Variants in RSPH4A observed in about 807,000 individuals in gnomAD.
RSPH4A encodes radial spoke head component 4A, also known as radial spoke head protein 4 homolog A.
Under a neutral mutation model 71.0 loss-of-function variants are expected in RSPH4A, and 47 were observed. The observed-to-expected ratio is 0.66, with a 90% CI of 0.52 to 0.84. The LOEUF (loss-of-function observed/expected upper bound fraction) is 0.84, where lower values mean the gene tolerates loss of function less well. Among genes scored for constraint, RSPH4A ranks in the 40% least tolerant of loss-of-function variants. The probability of loss-of-function intolerance (pLI) is 0.00; values close to 1 mark genes in which losing one functional copy is unlikely to be tolerated. For missense variants in RSPH4A, 793 were observed against 855.2 expected, an observed-to-expected ratio of 0.93 and a Z score of 0.91; for synonymous variants, 282 against 302.3, an observed-to-expected ratio of 0.93 and a Z score of 0.70.
At chr6:116,624,053 T>C (rs1041046044) in intron 2 of RSPH4A, among the ~76,000 whole-genome samples, 1 of 152,228 alleles carries the variant, frequency 6.6e-6, no homozygotes, top group Non-Finnish European at 1.5e-5. Context: ...TCAGTACCAC[T>C]AGATTATTTA....
At chr6:116,621,046 A>G (rs1399789977) in intron 1 of RSPH4A, among the ~76,000 whole-genome samples, 1 of 151,764 alleles carries the variant, frequency 6.6e-6, no homozygotes, top group African/African-American at 2.4e-5. Context: ...TTTAATAGAG[A>G]CGGGGTTTCA....
intron 2 of RSPH4A, among the ~76,000 whole-genome samples, chr6:116,623,347 GA>G (rs1240649875): frequency 1.3e-5 from 2 of 152,076 alleles, no homozygotes; most frequent in Admixed American, 1.3e-4. Context: ...TGGCCTCCCA[GA>G]ATGTTGGGAT....
intron 5 of RSPH4A, 55 bp downstream of exon 5, chr6:116,630,607 T>C (rs1452970720): frequency 1.2e-6 from 1 of 845,428 alleles, no homozygotes; most frequent in African/African-American, 1.7e-5. Context: ...GCTCTGGAAA[T>C]TATAAATAAC....
In RSPH4A at chr6:116,617,053, C is replaced by T. The variant is rs756868889; in HGVS notation, c.430C>T (p.Gln144Ter). Reference protein sequence around the residue: ...KRESTPHHTSQSEGNTFQQSQ... With the variant: ...KRESTPHHTS ...AGAATCAACTCCTCATCACACAAGC[C>T]AGTCAGAAGGAAACACCTTTCAACA... Residue 144 changes from glutamine to a stop codon, truncating the protein, a stop_gained, in exon 1 of 6, where the codon CAG becomes TAG. Transcript: ENST00000229554. LOFTEE classifies it high-confidence loss of function. 1.1e-5 allele frequency: 18 copies of T among 1,614,082 alleles called. No individual in the cohort carries two copies. The highest frequency in any genetic ancestry group is 3.3e-4 in the Middle Eastern group (2 of 6,084).
chr6:116,621,178 C>T (rs1374416391), intron 1 of RSPH4A, among the ~76,000 whole-genome samples: 1 of 152,084 alleles, frequency 6.6e-6, no homozygotes. Context: ...TCCAACAGTG[C>T]ATGAATATTA....
At chr6:116,619,306 G>A (rs1016046312) in intron 1 of RSPH4A, among the ~76,000 whole-genome samples, 9 of 152,108 alleles carry the variant, frequency 5.9e-5, no homozygotes, top group Non-Finnish European at 1.2e-4. Context: ...CTTGATATGG[G>A]GCAGGACCTC....
intron 2 of RSPH4A, among the ~76,000 whole-genome samples, chr6:116,625,805 A>C (rs545484812): frequency 6.6e-6 from 1 of 152,350 alleles, no homozygotes; most frequent in Non-Finnish European, 1.5e-5. Flanking sequence ...GAAAGAGTAC[A>C]TAGAAAAAAG....
At position 116,628,190 on chromosome 6, in the gene RSPH4A, A is replaced by T. The variant is rs1176153573; in HGVS notation, c.1483A>T (p.Thr495Ser). Residue 495 changes from threonine (T) to serine (S), a missense_variant, in exon 3 of 6, where the codon ACC (threonine) becomes TCC (serine). Thr to Ser is a moderately conservative substitution (Grantham distance 58, BLOSUM62 1). Coordinates refer to ENST00000229554, the MANE Select transcript of RSPH4A (RefSeq NM_001010892.3). ...ACAAATTGCCCGAATTTCAGCAGGA[A>T]CCCACGTCAGTCCTCTAGGATTTTA... The part of the protein sequence containing the change: ...RAQIARISAG[T>S]HVSPLGFYQF... The T allele has an allele frequency of 6.2e-7, 1 of 1,614,052 alleles. No homozygotes were observed. The highest frequency in any genetic ancestry group is 8.5e-7 in the Non-Finnish European group (1 of 1,180,036).
chr6:116,616,818 T>G lies in RSPH4A; in HGVS notation c.195T>G (p.Ser65=). The part of the protein sequence containing the change: ...SRSSRPWSPQ[S]RAKTPLGGPA... ...GCAGCCGTCCTTGGAGCCCGCAGTCTAGAGCCAAGACGCCTCTGGGTGGCC... is the reference window on the plus strand; with the variant it reads ...GCAGCCGTCCTTGGAGCCCGCAGTCGAGAGCCAAGACGCCTCTGGGTGGCC... The change falls in exon 1 of 6, where the codon TCT becomes TCG. Residue 65 remains serine, a synonymous_variant. Coordinates refer to ENST00000229554, the MANE Select transcript of RSPH4A (RefSeq NM_001010892.3). The G allele has an allele frequency of 6.2e-7, 1 of 1,614,124 alleles. No homozygotes were observed. Among genetic ancestry groups the G allele is most frequent in the Non-Finnish European group, 8.5e-7 (1 of 1,179,994 alleles).
chr6:116,616,603 T>C lies in RSPH4A; in HGVS notation c.-21T>C. On this transcript the variant is annotated 5_prime_UTR_variant, in exon 1 of 6. Transcript: ENST00000229554. ...TTCACGCCCCTTTCATCCAGAACAT[T>C]TTTTTTCTTGAACTGCTTCCATGGA... is the stretch of plus-strand genomic sequence containing the variant. The C allele has an allele frequency of 6.3e-7, 1 of 1,596,502 alleles. No homozygotes were observed. The highest frequency in any genetic ancestry group is 2.2e-5 in the East Asian group (1 of 44,534).
intron 5 of RSPH4A, 57 bp from the exon 6 acceptor site, chr6:116,632,150 G>C: frequency 7.4e-7 from 1 of 1,354,724 alleles, no homozygotes; most frequent in Non-Finnish European, 1.0e-6. Context: ...AGAAGGGTCA[G>C]TTTTTCTGAG....
At chr6:116,631,351 C>G (rs965741396) in intron 5 of RSPH4A, among the ~76,000 whole-genome samples, 1 of 152,120 alleles carries the variant, frequency 6.6e-6, no homozygotes, top group African/African-American at 2.4e-5. Flanking sequence ...ATAGTATAAA[C>G]AAGAGAAAGC....
chr6:116,629,636 G>T lies in RSPH4A; in HGVS notation c.1732G>T (p.Asp578Tyr), dbSNP rs1775760356. The T allele has an allele frequency of 6.2e-7, 1 of 1,613,186 alleles. No homozygotes were observed. Among genetic ancestry groups the T allele is most frequent in the Non-Finnish European group, 8.5e-7 (1 of 1,179,198 alleles). ...AGAAGAGGAAGAAGATGAAGAAAAAGACGATTCTGACTACATAGAACAGGA... is the reference window on the plus strand; with the variant it reads ...AGAAGAGGAAGAAGATGAAGAAAAATACGATTCTGACTACATAGAACAGGA... The part of the protein sequence containing the change: ...EEEEEEDEEK[D>Y]DSDYIEQEVG... Residue 578 changes from aspartate to tyrosine, a missense_variant, in exon 4 of 6, where the codon GAC becomes TAC. Physicochemically the swap from Asp to Tyr is radical, Grantham distance 160 (BLOSUM62 -3). Coordinates refer to ENST00000229554, the MANE Select transcript of RSPH4A (RefSeq NM_001010892.3).
rs1775719362 is a variant in RSPH4A, at chr6:116,627,721, T to G, written c.1014T>G (p.Phe338Leu). 6.2e-7 allele frequency: 1 copy of G among 1,614,186 alleles called. No homozygotes were observed. The highest frequency in any genetic ancestry group is 8.5e-7 in the Non-Finnish European group (1 of 1,180,028). ...GCACAGATGAGACATACCGCATATT[T>G]CTTGCCCTCAAGCAGCTTACTGATA... ...GLGTDETYRI[F>L]LALKQLTDTH... Residue 338 changes from phenylalanine to leucine, a missense_variant, in exon 3 of 6, where the codon TTT becomes TTG. Coordinates refer to ENST00000229554, the MANE Select transcript of RSPH4A (RefSeq NM_001010892.3).
chr6:116,621,248 GAATT>G, intron 1 of RSPH4A, among the ~76,000 whole-genome samples: 1 of 152,042 alleles, frequency 6.6e-6, no homozygotes, highest in Non-Finnish European at 1.5e-5. Context: ...TCATTTACAA[GAATT>G]ATTTGAGGAA....
At position 116,616,814 on chromosome 6, in the gene RSPH4A, A is replaced by C. The variant is rs780299380; in HGVS notation, c.191A>C (p.Gln64Pro). ...CGAAGCAGCCGTCCTTGGAGCCCGC[A>C]GTCTAGAGCCAAGACGCCTCTGGGT... ...QSRSSRPWSP[Q>P]SRAKTPLGGP... The change falls in exon 1 of 6, where the codon CAG becomes CCG. Residue 64 changes from glutamine to proline, a missense_variant. Physicochemically the swap from Gln to Pro is moderately conservative, Grantham distance 76 (BLOSUM62 -1). Transcript: ENST00000229554. 12 of 1,614,004 alleles carry C rather than the reference A, an allele frequency of 7.4e-6. No homozygotes were observed. Among genetic ancestry groups the C allele is most frequent in the African/African-American group, 4.0e-5 (3 of 74,922 alleles).
intron 2 of RSPH4A, among the ~76,000 whole-genome samples, chr6:116,624,545 A>G (rs1278383759): frequency 1.3e-5 from 2 of 152,184 alleles, no homozygotes; most frequent in Non-Finnish European, 2.9e-5. Context: ...TCTTCCTAAT[A>G]AGGGATAAGA....
At chr6:116,620,911 T>C (rs952896412) in intron 1 of RSPH4A, among the ~76,000 whole-genome samples, 3 of 152,120 alleles carry the variant, frequency 2.0e-5, no homozygotes, top group African/African-American at 7.2e-5. Context: ...CATGCTGGAG[T>C]GCAGTGGCAC....
At chr6:116,630,661 T>C (rs1325501012) in intron 5 of RSPH4A, 109 bp downstream of exon 5, 4 of 563,734 alleles carry the variant, frequency 7.1e-6, no homozygotes, top group African/African-American at 4.5e-5. Flanking sequence ...TGGTTTTTTT[T>C]TTCGTGTTTT....
Sources: gnomAD v4.1 joint callset for allele counts (sites outside exome capture counted in the v4.1 genomes callset) on GRCh38, gnomAD v4.1.1 for gene constraint, MANE v1.5 for transcripts, NCBI Gene and HGNC (gene_info 2026-07-23, HGNC 2026-07-21) for gene names.